The following GABBR2 variants were observed in gnomAD, a reference collection of about 807,000 sequenced individuals.
GABBR2 encodes gamma-aminobutyric acid type B receptor subunit 2.
A neutral mutation model predicts 105.6 loss-of-function variants in GABBR2; 23 were observed. The observed-to-expected ratio is 0.22, with a 90% CI of 0.16 to 0.31. GABBR2 has a LOEUF of 0.31. Ranked by LOEUF, GABBR2 falls within the 10% of genes least tolerant of loss-of-function variation. The probability of loss-of-function intolerance (pLI) is 1.00; values close to 1 mark genes in which losing one functional copy is unlikely to be tolerated. For synonymous variants in GABBR2, 478 were observed against 499.7 expected, an observed-to-expected ratio of 0.96 and a Z score of 0.58; for missense variants, 734 against 1,245.5, an observed-to-expected ratio of 0.59 and a Z score of 6.18.
rs61391834 is a variant in GABBR2, at chr9:98,364,601, A to AT, written c.1771-1765dup. Reference sequence around the variant, plus strand: ...TCAAGTATGAAGTCTGAGGAAGTGGATTTTTTTTTTTTTTTTATGGAATCT... The same window carrying AT: ...TCAAGTATGAAGTCTGAGGAAGTGGATTTTTTTTTTTTTTTTTATGGAATCT... On this transcript the variant is annotated intron_variant, in intron 12 of 18. Transcript: ENST00000259455. Among the ~76,000 whole-genome samples the AT allele has an allele frequency of 5.7e-3, 768 of 135,076 alleles. 6 individuals are homozygous for AT. The highest frequency in any genetic ancestry group is 0.014 in the East Asian group (67 of 4,742). The allele number at this position is 135,076 out of a possible 152,430, so 88.6% of individuals were successfully genotyped here. A position where few individuals can be genotyped will look rare whatever the true frequency, so the allele number is the denominator to read the frequency against.
intron 11 of GABBR2, among the ~76,000 whole-genome samples, chr9:98,384,380 C>T (rs893089702): frequency 9.9e-5 from 15 of 152,126 alleles, no homozygotes; most frequent in Admixed American, 2.6e-4. Context: ...CACCTGAGGT[C>T]GGGAGTTCGA....
chr9:98,640,581 T>C (rs942021597), intron 1 of GABBR2, among the ~76,000 whole-genome samples: 6 of 152,150 alleles, frequency 3.9e-5, no homozygotes, highest in Non-Finnish European at 8.8e-5. Context: ...ACATGGAGTG[T>C]ACGAGATGCC....
At chr9:98,480,602 A>G (rs1826897904) in intron 5 of GABBR2, among the ~76,000 whole-genome samples, 1 of 152,222 alleles carries the variant, frequency 6.6e-6, no homozygotes. Context: ...AGCCCTACCT[A>G]CAGGGCAGGG....
chr9:98,506,500 C>A (rs1827514754), intron 3 of GABBR2, among the ~76,000 whole-genome samples: 1 of 152,132 alleles, frequency 6.6e-6, no homozygotes, highest in Non-Finnish European at 1.5e-5. Context: ...AGGGATGAGG[C>A]AACTTCGCAA....
intron 7 of GABBR2, among the ~76,000 whole-genome samples, chr9:98,449,251 G>A (rs1224862725): frequency 6.6e-6 from 1 of 152,178 alleles, no homozygotes; most frequent in African/African-American, 2.4e-5. Context: ...CTTTCCTCCA[G>A]AGGCCTTGGG....
intron 1 of GABBR2, among the ~76,000 whole-genome samples, chr9:98,597,703 G>C (rs1423350592): frequency 6.6e-6 from 1 of 152,146 alleles, no homozygotes; most frequent in Non-Finnish European, 1.5e-5. Flanking sequence ...CACAGGTAAG[G>C]AAATTTCCAG....
chr9:98,481,287 C>T (rs533312078), intron 4 of GABBR2, among the ~76,000 whole-genome samples: 6 of 152,316 alleles, frequency 3.9e-5, no homozygotes, highest in Non-Finnish European at 7.4e-5. Context: ...CTCTCAGGGG[C>T]CTTGCAACCT....
Position 98,608,322 on chromosome 9 carries a change from T to G in GABBR2, c.322-30250A>C, listed in dbSNP as rs560532587. ...AGATGCCGTCAATTGTCTAGGGTGT[T>G]GTGTACTTAGAAAGTAACAGCTCTA... On this transcript the variant is annotated intron_variant, in intron 1 of 18. Transcript: ENST00000259455. 4.3e-4 allele frequency among the ~76,000 whole-genome samples: 66 copies of G among 152,360 alleles called. 1 individual carries two copies. Among genetic ancestry groups the G allele is most frequent in the Non-Finnish European group, 7.6e-4 (52 of 68,034 alleles).
chr9:98,465,949 G>A (rs946267815), intron 6 of GABBR2, among the ~76,000 whole-genome samples: 7 of 152,168 alleles, frequency 4.6e-5, no homozygotes, highest in Non-Finnish European at 1.0e-4. Flanking sequence ...TGGATCATGG[G>A]GCAGGTTTTC....
intron 1 of GABBR2, among the ~76,000 whole-genome samples, chr9:98,675,017 G>A (rs770265362): frequency 1.1e-4 from 16 of 152,254 alleles, no homozygotes; most frequent in African/African-American, 3.1e-4. Context: ...CCCTTCTCAC[G>A]AAGCTGGAAA....
At chr9:98,368,317 A>T (rs1265725372) in intron 12 of GABBR2, among the ~76,000 whole-genome samples, 2 of 151,942 alleles carry the variant, frequency 1.3e-5, no homozygotes, top group African/African-American at 4.8e-5. Flanking sequence ...AAAAAAAAAA[A>T]AGTAAAGAAA....
intron 3 of GABBR2, among the ~76,000 whole-genome samples, chr9:98,526,735 A>G (rs1260552796): frequency 6.6e-6 from 1 of 152,216 alleles, no homozygotes; most frequent in African/African-American, 2.4e-5. Flanking sequence ...TAAATGAATG[A>G]ATGTATTACC....
intron 3 of GABBR2, among the ~76,000 whole-genome samples, chr9:98,507,299 A>G (rs766054046): frequency 3.9e-5 from 6 of 152,170 alleles, no homozygotes; most frequent in Non-Finnish European, 5.9e-5. Flanking sequence ...TGGTGGCCCA[A>G]CATGATCCCA....
At chr9:98,487,722 G>C (rs1827088361) in intron 4 of GABBR2, among the ~76,000 whole-genome samples, 1 of 151,996 alleles carries the variant, frequency 6.6e-6, no homozygotes, top group African/African-American at 2.4e-5. Context: ...AGGCTGCAGT[G>C]AGCTGTGATT....
chr9:98,506,208 G>A (rs193229512), intron 3 of GABBR2, among the ~76,000 whole-genome samples: 104 of 152,278 alleles, frequency 6.8e-4, no homozygotes, highest in Non-Finnish European at 1.4e-3. Context: ...GGAGGGCTCA[G>A]GAGTCTGCAT....
At chr9:98,436,579 A>G (rs899896730) in intron 7 of GABBR2, among the ~76,000 whole-genome samples, 8 of 150,394 alleles carry the variant, frequency 5.3e-5, no homozygotes, top group Non-Finnish European at 1.2e-4. Flanking sequence ...GGAGGTCACC[A>G]GCTGCTAAGA....
At chr9:98,576,956 GTGAATGGGTGGGTGGATGT>G (rs1588235738) in intron 2 of GABBR2, among the ~76,000 whole-genome samples, 8 of 73,006 alleles carry the variant, frequency 1.1e-4, no homozygotes, top group East Asian at 7.3e-4. Context: ...GGATGGATAG[GTGAATGGGTGGGTGGATGT>G]ATGGATGGAT....
At chr9:98,517,415 T>C (rs1320889955) in intron 3 of GABBR2, among the ~76,000 whole-genome samples, 1 of 152,124 alleles carries the variant, frequency 6.6e-6, no homozygotes, top group Non-Finnish European at 1.5e-5. Flanking sequence ...AGGCTCGCCC[T>C]CCACCCACAT....
chr9:98,537,432 T>C (rs1348777791), intron 3 of GABBR2, among the ~76,000 whole-genome samples: 1 of 151,936 alleles, frequency 6.6e-6, no homozygotes, highest in Non-Finnish European at 1.5e-5. Flanking sequence ...AACTGGATTG[T>C]GGCGATGGTT....
Sources: gnomAD v4.1 joint callset for allele counts (sites outside exome capture counted in the v4.1 genomes callset) on GRCh38, gnomAD v4.1.1 for gene constraint, MANE v1.5 for transcripts, NCBI Gene and HGNC (gene_info 2026-07-23, HGNC 2026-07-21) for gene names.